The following RRAS2 variants were observed in gnomAD, a reference collection of about 807,000 sequenced individuals.
RRAS2 encodes RAS related 2.
Under a neutral mutation model 27.6 loss-of-function variants are expected in RRAS2, and 7 were observed. That is an observed-to-expected ratio of 0.25 (90% CI 0.14 to 0.48). The LOEUF is 0.48. Ranked by LOEUF, RRAS2 falls within the 20% of genes least tolerant of loss-of-function variation. The pLI is 0.99. For missense variants in RRAS2, 178 were observed against 256.2 expected (o/e 0.69, Z 2.08); for synonymous variants, 86 against 90.9 (o/e 0.95, Z 0.31).
At chr11:14,282,024 T>TAC (rs1849551937) in intron 4 of RRAS2, among the ~76,000 whole-genome samples, 1 of 152,202 alleles carries the variant, frequency 6.6e-6, no homozygotes, top group Non-Finnish European at 1.5e-5. Context: ...TATTAAAGTA[T>TAC]ACAACCCTGT....
At chr11:14,338,321 C>T (rs1054870905) in intron 1 of RRAS2, among the ~76,000 whole-genome samples, 1 of 152,080 alleles carries the variant, frequency 6.6e-6, no homozygotes, top group African/African-American at 2.4e-5. Context: ...GGCTGAGTAT[C>T]CCTTATCTGA....
chr11:14,321,777 G>C (rs1178618523), intron 1 of RRAS2, among the ~76,000 whole-genome samples: 2 of 152,146 alleles, frequency 1.3e-5, no homozygotes, highest in African/African-American at 4.8e-5. Flanking sequence ...CCTTGTTTGA[G>C]TGAGGTGAAG....
intron 1 of RRAS2, among the ~76,000 whole-genome samples, chr11:14,332,164 C>A (rs1040774066): frequency 6.6e-6 from 1 of 152,150 alleles, no homozygotes; most frequent in African/African-American, 2.4e-5. Context: ...ATAATCACAA[C>A]TTGGTATTTA....
chr11:14,319,507 C>T (rs1169207702), intron 1 of RRAS2, among the ~76,000 whole-genome samples: 6 of 151,768 alleles, frequency 4.0e-5, no homozygotes, highest in Admixed American at 2.6e-4. Context: ...TACAGGCGCC[C>T]GCCACCGCGC....
chr11:14,295,417 C>G (rs1847518428), intron 2 of RRAS2, among the ~76,000 whole-genome samples: 1 of 152,154 alleles, frequency 6.6e-6, no homozygotes, highest in Admixed American at 6.5e-5. Context: ...GTAACAGTAT[C>G]AAACTTTTTC....
chr11:14,318,010 C>A (rs548831752), intron 1 of RRAS2, among the ~76,000 whole-genome samples: 1 of 152,142 alleles, frequency 6.6e-6, no homozygotes, highest in Non-Finnish European at 1.5e-5. Flanking sequence ...CATTTTCAAA[C>A]GGAGCAGGAA....
chr11:14,302,315 T>A (rs1847737255), intron 1 of RRAS2, among the ~76,000 whole-genome samples: 1 of 152,210 alleles, frequency 6.6e-6, no homozygotes, highest in Non-Finnish European at 1.5e-5. Flanking sequence ...CTATGTTTTT[T>A]AAATTATGAT....
At chr11:14,350,183 CT>C (rs1336455660) in intron 1 of RRAS2, among the ~76,000 whole-genome samples, 3 of 152,004 alleles carry the variant, frequency 2.0e-5, no homozygotes, top group Non-Finnish European at 4.4e-5. Context: ...TACTTTTGCA[CT>C]TTTTTTTCAC....
At chr11:14,318,364 G>A (rs115705646) in intron 1 of RRAS2, among the ~76,000 whole-genome samples, 2,198 of 152,178 alleles carry the variant, frequency 0.014, 50 homozygotes, top group African/African-American at 0.051. Context: ...TTAGCAGGGC[G>A]TAGTTGCGCA....
In RRAS2 at chr11:14,358,096, A is replaced by C; in HGVS notation, c.108+667T>G. The C allele has an allele frequency of 2.1e-6, 1 of 481,402 alleles. No individual in the cohort carries two copies. The highest frequency in any genetic ancestry group is 2.7e-6 in the Non-Finnish European group (1 of 369,144). 29.8% of individuals were successfully genotyped at this position (481,402 alleles called of 1,614,324 possible). A position where few individuals can be genotyped will look rare whatever the true frequency, so the allele number is the denominator to read the frequency against. The stretch of plus-strand genomic sequence containing the variant: ...GCACGGCGAGAAGCAGGACGGCATC[A>C]GGAATTCCTAGGAAATGGTCTCACC... On this transcript the variant is annotated intron_variant, in intron 1 of 5. Transcript: ENST00000256196. This position sits in a 1 kb window ranked among gnomAD's most constrained non-coding sequence, Gnocchi z 5.1.
upstream of RRAS2, among the ~76,000 whole-genome samples, chr11:14,362,041 A>T (rs1554956205): frequency 6.6e-6 from 1 of 152,262 alleles, no homozygotes; most frequent in Non-Finnish European, 1.5e-5. Flanking sequence ...GAATAGGCAA[A>T]TCTATAGATA....
At chr11:14,323,699 G>A (rs1554950620) in intron 1 of RRAS2, among the ~76,000 whole-genome samples, 3 of 151,896 alleles carry the variant, frequency 2.0e-5, no homozygotes, top group Admixed American at 6.6e-5. Context: ...AGTATAATCT[G>A]GATACCAAAA....
At chr11:14,309,466 A>G (rs1336206328) in intron 1 of RRAS2, among the ~76,000 whole-genome samples, 5 of 152,242 alleles carry the variant, frequency 3.3e-5, no homozygotes, top group South Asian at 4.1e-4. Context: ...ATCAATAAAT[A>G]AGCAAACATA....
chr11:14,281,281 C>T (rs1437541460), intron 5 of RRAS2, among the ~76,000 whole-genome samples: 3 of 152,162 alleles, frequency 2.0e-5, no homozygotes, highest in Admixed American at 2.0e-4. Flanking sequence ...GTGAGGATTA[C>T]ATGTAATAAT....
In RRAS2 at chr11:14,355,161, A is replaced by T. The variant is rs146943288; in HGVS notation, c.108+3602T>A. On this transcript the variant is annotated intron_variant, in intron 1 of 5. Coordinates refer to ENST00000256196, the MANE Select transcript of RRAS2 (RefSeq NM_012250.6). ...AACACACAGCTAGTTAAATGAATAA[A>T]AAAAAAAAAACACTCCTAGAATTTC... 6.2e-4 allele frequency among the ~76,000 whole-genome samples: 95 copies of T among 152,112 alleles called. No homozygotes were observed. The Middle Eastern group carries it at 0.017, about 27-fold the overall frequency.
intron 5 of RRAS2, among the ~76,000 whole-genome samples, chr11:14,280,469 T>C (rs1849493785): frequency 6.6e-6 from 1 of 151,958 alleles, no homozygotes; most frequent in African/African-American, 2.4e-5. Flanking sequence ...TGGCTCACGC[T>C]GTAATCCCAG....
chr11:14,308,337 A>G (rs376743157), intron 1 of RRAS2: 22 of 431,394 alleles, frequency 5.1e-5, no homozygotes, highest in Admixed American at 1.9e-4. Context: ...TTAAACATAA[A>G]CTCTTTAGTA....
intron 1 of RRAS2, among the ~76,000 whole-genome samples, chr11:14,296,836 G>A (rs1483368520): frequency 1.3e-5 from 2 of 151,966 alleles, no homozygotes; most frequent in Non-Finnish European, 2.9e-5. Flanking sequence ...AAAGGGGGGG[G>A]ACAGTTAAAG....
At chr11:14,287,023 T>G (rs536972423) in intron 4 of RRAS2, among the ~76,000 whole-genome samples, 1 of 152,294 alleles carries the variant, frequency 6.6e-6, no homozygotes, top group South Asian at 2.1e-4. Context: ...TCATCCCTTC[T>G]CTCTCAACTC....
Sources: gnomAD v4.1 joint callset for allele counts (sites outside exome capture counted in the v4.1 genomes callset) on GRCh38, gnomAD v4.1.1 for gene constraint, Gnocchi (gnomAD v3.1) non-coding constraint, MANE v1.5 for transcripts, NCBI Gene and HGNC (gene_info 2026-07-23, HGNC 2026-07-21) for gene names.